The following MAPK8 variants were observed in gnomAD, a reference collection of about 807,000 sequenced individuals.
MAPK8 encodes the protein JUN N-terminal kinase.
Under a neutral mutation model 52.9 loss-of-function variants are expected in MAPK8, and 13 were observed. The observed-to-expected ratio is 0.25, with a 90% confidence interval of 0.16 to 0.39. The LOEUF (loss-of-function observed/expected upper bound fraction) is 0.39. Ranked by LOEUF, MAPK8 falls within the 10% of genes least tolerant of loss-of-function variation. MAPK8 has a pLI of 1.00. For synonymous variants in MAPK8, 191 were observed against 169.8 expected (o/e 1.12, Z -0.97); for missense variants, 300 against 519.2 (o/e 0.58, Z 4.10).
intron 3 of MAPK8, 125 bp downstream of exon 3, chr10:48,405,106 GATATAT>G (rs10657070): frequency 2.3e-4 from 55 of 235,154 alleles, no homozygotes; most frequent in African/African-American, 2.8e-4. Context: ...GTTTAAAAGG[GATATAT>G]ATATATATAT....
chr10:48,355,420 A>G lies in MAPK8; in HGVS notation c.-49-46192A>G, dbSNP rs1452718299. On this transcript the variant is annotated intron_variant, in intron 1 of 11. Coordinates refer to ENST00000374189, the MANE Select transcript of MAPK8 (RefSeq NM_001323329.2). The stretch of plus-strand genomic sequence containing the variant: ...GCAGCTCGGGAGGCTGAGGCAGGAG[A>G]ATGGCGTGAACCCAGGAGGCGGAGC... Among the ~76,000 whole-genome samples the G allele has an allele frequency of 2.0e-5, 3 of 150,882 alleles. No homozygotes were observed. In the East Asian group the frequency reaches 5.9e-4, roughly 30 times the overall value.
intron 5 of MAPK8, among the ~76,000 whole-genome samples, chr10:48,415,265 C>G (rs1290096825): frequency 6.6e-6 from 1 of 152,022 alleles, no homozygotes; most frequent in Non-Finnish European, 1.5e-5. Context: ...TTCCTGAGTC[C>G]TTAGACCGGG....
chr10:48,419,625 GA>G (rs2043240616), intron 5 of MAPK8, among the ~76,000 whole-genome samples: 1 of 152,142 alleles, frequency 6.6e-6, no homozygotes, highest in Non-Finnish European at 1.5e-5. Flanking sequence ...ATCAGGGATG[GA>G]AAAATGGATA....
chr10:48,379,938 TAAAAAAAAAAAAA>T (rs373050540), intron 1 of MAPK8, among the ~76,000 whole-genome samples: 1 of 115,916 alleles, frequency 8.6e-6, no homozygotes, highest in African/African-American at 3.4e-5. Flanking sequence ...ACAAAGCTCT[TAAAAAAAAAAAAA>T]AAAAAAAACA....
At chr10:48,425,836 T>TTCTTGTAAATG in intron 7 of MAPK8, 52 bp from the exon 8 acceptor site, 1 of 1,005,298 alleles carries the variant, frequency 9.9e-7, no homozygotes, top group African/African-American at 1.6e-5. Context: ...TGAATATGAC[T>TTCTTGTAAATG]AATGTATTGA....
chr10:48,424,217 C>G, intron 7 of MAPK8, 58 bp downstream of exon 7: 1 of 1,433,822 alleles, frequency 7.0e-7, no homozygotes, highest in Non-Finnish European at 9.8e-7. Flanking sequence ...TTTATGTTCT[C>G]TAATGAAAAT....
At chr10:48,352,679 T>C (rs2132449432) in intron 1 of MAPK8, among the ~76,000 whole-genome samples, 1 of 152,342 alleles carries the variant, frequency 6.6e-6, no homozygotes, top group Non-Finnish European at 1.5e-5. Context: ...AAAGACTGAA[T>C]GCTTTCCCCT....
At chr10:48,411,564 G>T (rs2042747740) in intron 5 of MAPK8, among the ~76,000 whole-genome samples, 1 of 152,108 alleles carries the variant, frequency 6.6e-6, no homozygotes, top group Admixed American at 6.5e-5. Context: ...CAATTCTCCA[G>T]CTTTATTCTT....
rs141284152 is a variant in MAPK8, at chr10:48,427,825, C to A, written c.1060+682C>A. On this transcript the variant is annotated intron_variant, in intron 10 of 11. Coordinates refer to ENST00000374189, the MANE Select transcript of MAPK8 (RefSeq NM_001323329.2). ...TCTGGAAGGTTATTCTCTTTTAGTT[C>A]ACGTATCTGCCTCTCTTGCTTTAAT... 7.9e-3 allele frequency among the ~76,000 whole-genome samples: 1,206 copies of A among 152,284 alleles called. 12 individuals carry two copies. The highest frequency in any genetic ancestry group is 0.028 in the African/African-American group (1,156 of 41,548).
rs1192240066 is a variant in MAPK8 at position 48,437,761 on chromosome 10, A to G, written c.*2732A>G. 2 of 152,238 alleles carry G rather than the reference A, an allele frequency of 1.3e-5. No homozygotes were observed. The highest frequency in any genetic ancestry group is 3.8e-4 in the East Asian group (2 of 5,202). The allele number at this position is 152,238 out of a possible 1,614,324, so 9.4% of individuals were successfully genotyped here. A position where few individuals can be genotyped will look rare whatever the true frequency, so the allele number is the denominator to read the frequency against. ...GAGTTGGTAAAGGCACAGTGTGTTC[A>G]TGCCAGACTTCTAAGAGAAACACCA... On this transcript the variant is annotated 3_prime_UTR_variant, in exon 12 of 12. Coordinates refer to ENST00000374189, the MANE Select transcript of MAPK8 (RefSeq NM_001323329.2).
chr10:48,347,398 CAA>C (rs1050145391), intron 1 of MAPK8, among the ~76,000 whole-genome samples: 6 of 152,112 alleles, frequency 3.9e-5, no homozygotes, highest in African/African-American at 1.4e-4. Context: ...AATTATTTGA[CAA>C]GAATTTTTTT....
chr10:48,437,996 CTT>C lies in MAPK8; in HGVS notation c.*2968_*2969del, dbSNP rs1297285697. On this transcript the variant is annotated 3_prime_UTR_variant, in exon 12 of 12. Transcript: ENST00000374189. The stretch of plus-strand genomic sequence containing the variant: ...GCTCTTTCCTTGGTTACAGATAAGA[CTT>C]GGTTTACACTATTGGCCAGTATCTG... 6.6e-6 allele frequency: 1 copy of C among 152,242 alleles called. No homozygotes were observed. The highest frequency in any genetic ancestry group is 1.5e-5 in the Non-Finnish European group (1 of 68,044). 9.4% of individuals were successfully genotyped at this position (152,242 alleles called of 1,614,324 possible). A position where few individuals can be genotyped will look rare whatever the true frequency, so the allele number is the denominator to read the frequency against.
At chr10:48,377,268 T>C (rs1242944211) in intron 1 of MAPK8, among the ~76,000 whole-genome samples, 2 of 152,042 alleles carry the variant, frequency 1.3e-5, no homozygotes, top group African/African-American at 4.8e-5. Flanking sequence ...AGATGACGTG[T>C]TGATGGGTGC....
chr10:48,439,278 G>A lies in MAPK8; in HGVS notation c.*4249G>A, dbSNP rs1488470883. The A allele has an allele frequency of 6.7e-6, 1 of 148,542 alleles. No individual in the cohort carries two copies. Among genetic ancestry groups the A allele is most frequent in the Non-Finnish European group, 1.5e-5 (1 of 67,342 alleles). 9.2% of individuals were successfully genotyped at this position (148,542 alleles called of 1,614,324 possible). On this transcript the variant is annotated 3_prime_UTR_variant, in exon 12 of 12. Coordinates refer to ENST00000374189, the MANE Select transcript of MAPK8 (RefSeq NM_001323329.2). ...CCTAGTCATTAAACATGCACCACTG[G>A]AATGTAAACAATGTTATCTAGTATG... is the stretch of plus-strand genomic sequence containing the variant.
chr10:48,434,845 G>C (rs755737202), intron 11 of MAPK8, 39 bp from the exon 12 acceptor site: 1 of 1,569,112 alleles, frequency 6.4e-7, no homozygotes, highest in Non-Finnish European at 8.7e-7. Context: ...ATCTGCAGCT[G>C]TCTGCAACTG....
chr10:48,362,817 TG>T (rs1483470400), intron 1 of MAPK8, among the ~76,000 whole-genome samples: 1 of 148,938 alleles, frequency 6.7e-6, no homozygotes, highest in Non-Finnish European at 1.5e-5. Flanking sequence ...CTTGGCTCAC[TG>T]CAACCTCCAC....
chr10:48,423,986 C>T (rs948715101), intron 6 of MAPK8, 102 bp from the exon 7 acceptor site: 18 of 674,440 alleles, frequency 2.7e-5, no homozygotes, highest in East Asian at 5.7e-5. Context: ...TTTTTCTTTT[C>T]GTGACGTTTT....
chr10:48,314,211 A>G (rs1385976916), intron 1 of MAPK8, among the ~76,000 whole-genome samples: 1 of 152,042 alleles, frequency 6.6e-6, no homozygotes, highest in Non-Finnish European at 1.5e-5. Context: ...TCCTGGCTTT[A>G]TAGGTGGCCG....
chr10:48,352,499 A>G (rs1015051781), intron 1 of MAPK8, among the ~76,000 whole-genome samples: 2 of 152,232 alleles, frequency 1.3e-5, no homozygotes, highest in African/African-American at 4.8e-5. Flanking sequence ...TAATCTATCA[A>G]TGTAACCATA....
Sources: allele counts gnomAD v4.1 joint callset (sites outside exome capture counted in the v4.1 genomes callset), GRCh38; gene constraint gnomAD v4.1.1; transcripts MANE v1.5; gene names NCBI Gene and HGNC (gene_info 2026-07-23, HGNC 2026-07-21).